Variants in COL2A1 observed in about 807,000 individuals in gnomAD.
COL2A1 encodes collagen alpha-1(II) chain.
Under a neutral mutation model 204.5 loss-of-function variants are expected in COL2A1, and 28 were observed. The observed-to-expected ratio is 0.14, with a 90% CI of 0.10 to 0.19. The LOEUF is 0.19. Among genes scored for constraint, COL2A1 ranks in the 10% least tolerant of loss-of-function variants. COL2A1 has a pLI of 1.00. For synonymous variants in COL2A1, 708 were observed against 718.7 expected (o/e 0.99, Z 0.24); for missense variants, 1,388 against 2,027.5 (o/e 0.68, Z 6.06).
chr12:47,999,852 TG>T, intron 2 of COL2A1, 66 bp downstream of exon 2: 2 of 1,385,552 alleles, frequency 1.4e-6, no homozygotes, highest in Non-Finnish European at 2.1e-6. Flanking sequence ...CCAGCATCTA[TG>T]GGAGCGTGTT....
In COL2A1 at chr12:47,973,566, A is replaced by C. The variant is rs752750463; in HGVS notation, c.4318-13T>G. ...TACCGGTATGTTTCTAGGGGAGAAA[A>C]AAGGAGGAGGCTCTGTTCAGTAGAT... On this transcript the variant is annotated splice_polypyrimidine_tract_variant and intron_variant, in intron 53 of 53. Transcript: ENST00000380518. 2 of 1,614,000 alleles carry C rather than the reference A, an allele frequency of 1.2e-6. No individual in the cohort carries two copies. The highest frequency in any genetic ancestry group is 2.2e-5 in the South Asian group (2 of 91,064).
Position 47,999,634 on chromosome 12 carries a change from A to AT in COL2A1, c.292+284dup, listed in dbSNP as rs10708850. ...ATTTGCAGAGATGATTTCAGAGAGG[A>AT]TTTTTTTTTTTTTTTTTTTGTAGAA... is the stretch of plus-strand genomic sequence containing the variant. On this transcript the variant is annotated intron_variant, in intron 2 of 53. Transcript: ENST00000380518. 5.0e-3 allele frequency: 787 copies of AT among 156,176 alleles called. 132 individuals carry two copies. Among genetic ancestry groups the AT allele is most frequent in the South Asian group, 0.012 (109 of 8,884 alleles). The allele number at this position is 156,176 out of a possible 1,614,324, so 9.7% of individuals were successfully genotyped here.
rs1385930432 is a variant in COL2A1, at chr12:47,987,976, A to G, written c.1123-267T>C. Among the ~76,000 whole-genome samples, 4 of 152,150 alleles carry G rather than the reference A, an allele frequency of 2.6e-5. No individual in the cohort carries two copies. The highest frequency in any genetic ancestry group is 5.9e-5 in the Non-Finnish European group (4 of 68,026). On this transcript the variant is annotated intron_variant, in intron 18 of 53. Transcript: ENST00000380518. The surrounding 1 kb of genome is among the most constrained non-coding windows in gnomAD (Gnocchi z 4.1). ...ACAGTGAGCCTCCACATGCCACGGC[A>G]CAGCTACATACTACAGCAATGGGCA...
At chr12:47,981,903 A>C (rs1345547704) in intron 35 of COL2A1, 74 bp from the exon 36 acceptor site, 7 of 1,456,816 alleles carry the variant, frequency 4.8e-6, no homozygotes, top group Non-Finnish European at 6.6e-6. Flanking sequence ...CACCAAGCCA[A>C]CCTTGGTGCG....
At chr12:47,998,389 A>T (rs376626320) in intron 3 of COL2A1, 26 bp downstream of exon 3, 4 of 1,587,692 alleles carry the variant, frequency 2.5e-6, no homozygotes, top group Non-Finnish European at 3.4e-6. Flanking sequence ...AAAAATATGA[A>T]AAAAGAAAAA....
Position 47,989,799 on chromosome 12 carries a change from G to A in COL2A1, c.1030C>T (p.Arg344Ter), listed in dbSNP as rs1565686896. Residue 344 changes from arginine to a stop codon, truncating the protein, a stop_gained, in exon 17 of 54, where the codon CGA becomes TGA. Coordinates refer to ENST00000380518, the MANE Select transcript of COL2A1 (RefSeq NM_001844.5). LOFTEE classifies it high-confidence loss of function. The stretch of plus-strand genomic sequence containing the variant: ...GGGCCTGGCTGACCATCGTTGCCTC[G>A]GGCACCCTGTGAGCAAGAAGGAAGT... ...RTGPAGAAGA[R>*]GNDGQPGPAG... 6.2e-7 allele frequency: 1 copy of A among 1,613,196 alleles called. No homozygotes were observed.
Position 47,995,734 on chromosome 12 carries a change from A to T in COL2A1, c.684T>A (p.Gly228=), listed in dbSNP as rs1369075095. 1 of 1,614,118 alleles carries T rather than the reference A, an allele frequency of 6.2e-7. No homozygotes were observed. Among genetic ancestry groups the T allele is most frequent in the African/African-American group, 1.3e-5 (1 of 75,026 alleles). ...PGPQGFQGNP[G]EPGEPGVSGP... is the part of the protein sequence containing the mutation. ...CAGAGACACCAGGTTCACCAGGTTC[A>T]CCAGGATTGCCTTGAAATCCTTGAG... Residue 228 remains glycine, a synonymous_variant, in exon 10 of 54, where the codon GGT becomes GGA. Coordinates refer to ENST00000380518, the MANE Select transcript of COL2A1 (RefSeq NM_001844.5).
chr12:47,975,412 T>A lies in COL2A1; in HGVS notation c.3791A>T (p.Asn1264Ile). The change falls in exon 51 of 54, where the codon AAC (asparagine) becomes ATC (isoleucine). Residue 1264 changes from asparagine to isoleucine, a missense_variant. Physicochemically the swap from Asn to Ile is moderately radical, Grantham distance 149. Transcript: ENST00000380518. ...EVDATLKSLN[N>I]QIESIRSPEG... ...GGGGCTGCGGATGCTCTCAATCTGG[T>A]TGTTGAGGGACTTGAGTGTGGCATC... The A allele has an allele frequency of 6.2e-7, 1 of 1,614,082 alleles. No individual in the cohort carries two copies. Among genetic ancestry groups the A allele is most frequent in the Non-Finnish European group, 8.5e-7 (1 of 1,179,982 alleles).
In COL2A1 at chr12:47,981,406, G is replaced by C. The variant is rs1199484353; in HGVS notation, c.2410-10C>G. On this transcript the variant is annotated splice_polypyrimidine_tract_variant and intron_variant, in intron 36 of 53. Transcript: ENST00000380518. ...GAGGTCCAACTTCTCCCTGAGGGTGGGGAAGGGAGGAAGAGCTGGGGTAAG... is the reference window on the plus strand; with the variant it reads ...GAGGTCCAACTTCTCCCTGAGGGTGCGGAAGGGAGGAAGAGCTGGGGTAAG... 1 of 1,608,934 alleles carries C rather than the reference G, an allele frequency of 6.2e-7. No homozygotes were observed. The highest frequency in any genetic ancestry group is 1.1e-5 in the South Asian group (1 of 89,666).
Position 47,976,781 on chromosome 12 carries a change from C to A in COL2A1, c.3435+31G>T, listed in dbSNP as rs1229880033. On this transcript the variant is annotated intron_variant, in intron 48 of 53. Transcript: ENST00000380518. The surrounding 1 kb of genome is among the most constrained non-coding windows in gnomAD (Gnocchi z 4.3). ...GTGGGCTCTGTGTGGCAGGAGGCCT[C>A]GGGAAGTCCCACGCAGGCAGTGACA... 1 of 1,587,904 alleles carries A rather than the reference C, an allele frequency of 6.3e-7. No homozygotes were observed. The highest frequency in any genetic ancestry group is 1.3e-5 in the African/African-American group (1 of 74,582).
chr12:47,983,350 A>G lies in COL2A1; in HGVS notation c.2049+35T>C, dbSNP rs1357121721. On this transcript the variant is annotated intron_variant, in intron 31 of 53. Coordinates refer to ENST00000380518, the MANE Select transcript of COL2A1 (RefSeq NM_001844.5). ...GGCATCAGAAAAGACCTTCCCATCT[A>G]AACAGGTTGCAGGTCCAAAGAGCCC... The G allele has an allele frequency of 6.8e-6, 11 of 1,609,102 alleles. No individual in the cohort carries two copies. In the South Asian group the frequency reaches 1.2e-4, roughly 18 times the overall value.
In COL2A1 at chr12:47,976,287, TGCTGTTCTGTCTGA is replaced by T. The variant is rs1458752232; in HGVS notation, c.3489+213_3490-218del. 6.6e-6 allele frequency among the ~76,000 whole-genome samples: 1 copy of T among 150,600 alleles called. No homozygotes were observed. Among genetic ancestry groups the T allele is most frequent in the Non-Finnish European group, 1.5e-5 (1 of 68,022 alleles). On this transcript the variant is annotated intron_variant, in intron 49 of 53. Coordinates refer to ENST00000380518, the MANE Select transcript of COL2A1 (RefSeq NM_001844.5). The surrounding 1 kb of genome is among the most constrained non-coding windows in gnomAD (Gnocchi z 4.3). The stretch of plus-strand genomic sequence containing the variant: ...CCCTCCTAAGCTCCTCTTTGTAAAA[TGCTGTTCTGTCTGA>T]CAGCGAGAGGCTGATTCATGTTTGT...
At chr12:47,994,294 C>G (rs1376496422) in intron 12 of COL2A1, 130 bp downstream of exon 12, 4 of 1,062,170 alleles carry the variant, frequency 3.8e-6, no homozygotes, top group Non-Finnish European at 5.7e-6. Context: ...CAAACATGGT[C>G]GTGATAAATA....
At position 47,981,768 on chromosome 12, in the gene COL2A1, G is replaced by T; in HGVS notation, c.2409+8C>A. 6.4e-7 allele frequency: 1 copy of T among 1,552,982 alleles called. No homozygotes were observed. Among genetic ancestry groups the T allele is most frequent in the South Asian group, 1.2e-5 (1 of 84,172 alleles). ...CAAGGTGTGGAGAGGAAAGGAGCCGGGACTCACCTTCTCGCCATTAGCACC... is the reference window on the plus strand; with the variant it reads ...CAAGGTGTGGAGAGGAAAGGAGCCGTGACTCACCTTCTCGCCATTAGCACC... On this transcript the variant is annotated splice_region_variant and intron_variant, in intron 36 of 53. Coordinates refer to ENST00000380518, the MANE Select transcript of COL2A1 (RefSeq NM_001844.5).
Position 47,976,188 on chromosome 12 carries a change from C to A in COL2A1, c.3490-118G>T. ...CAGCCACTCCGCCCCCAGTTCTTCA[C>A]ATGCTCAGTCATGGAACCCTAAGTT... On this transcript the variant is annotated intron_variant, in intron 49 of 53. Coordinates refer to ENST00000380518, the MANE Select transcript of COL2A1 (RefSeq NM_001844.5). The surrounding 1 kb of genome is among the most constrained non-coding windows in gnomAD (Gnocchi z 4.3). 3 of 784,198 alleles carry A rather than the reference C, an allele frequency of 3.8e-6. No individual in the cohort carries two copies. The allele number at this position is 784,198 out of a possible 1,614,324, so 48.6% of individuals were successfully genotyped here.
At position 47,982,165 on chromosome 12, in the gene COL2A1, G is replaced by A. The variant is rs1265338481; in HGVS notation, c.2302-5C>T. On this transcript the variant is annotated splice_polypyrimidine_tract_variant and splice_region_variant and intron_variant, in intron 34 of 53. Coordinates refer to ENST00000380518, the MANE Select transcript of COL2A1 (RefSeq NM_001844.5). Reference sequence around the variant, plus strand: ...GCCTTTCTCACCAACGTCACCCTGAGGGAAGAGAAAACCAGCCGCCTCAGC... The same window carrying A: ...GCCTTTCTCACCAACGTCACCCTGAAGGAAGAGAAAACCAGCCGCCTCAGC... 1 of 1,613,750 alleles carries A rather than the reference G, an allele frequency of 6.2e-7. No homozygotes were observed.
intron 1 of COL2A1, among the ~76,000 whole-genome samples, chr12:48,003,599 A>G (rs1231742043): frequency 1.3e-5 from 2 of 152,108 alleles, no homozygotes; most frequent in South Asian, 4.1e-4. Flanking sequence ...ACCTTGCTCC[A>G]GGGCCAGCTG....
At chr12:47,974,564 C>T (rs1938599284) in intron 52 of COL2A1, 111 bp downstream of exon 52, 1 of 1,375,844 alleles carries the variant, frequency 7.3e-7, no homozygotes, top group Non-Finnish European at 1.0e-6. Context: ...TCAAGCCCAA[C>T]AGAAAACTGG....
At chr12:47,994,335 G>T in intron 12 of COL2A1, 89 bp downstream of exon 12, 2 of 1,386,218 alleles carry the variant, frequency 1.4e-6, no homozygotes, top group Non-Finnish European at 2.0e-6. Flanking sequence ...TCTCAGAAGT[G>T]ACCTCATTGA....
Sources: allele counts gnomAD v4.1 joint callset (sites outside exome capture counted in the v4.1 genomes callset), GRCh38; gene constraint gnomAD v4.1.1; non-coding constraint Gnocchi (gnomAD v3.1); transcripts MANE v1.5; gene names NCBI Gene and HGNC (gene_info 2026-07-23, HGNC 2026-07-21).